The following STXBP5L variants were observed in gnomAD, a reference collection of about 807,000 sequenced individuals.
The protein encoded by STXBP5L is syntaxin binding protein 5L.
Under a neutral mutation model 144.5 loss-of-function variants are expected in STXBP5L, and 65 were observed. The ratio of observed to expected loss-of-function variants is 0.45; its 90% confidence interval spans 0.37 to 0.55. The LOEUF is 0.55. Ranked by LOEUF, STXBP5L falls within the 20% of genes least tolerant of loss-of-function variation. STXBP5L has a pLI of 0.00. For missense variants in STXBP5L, 1,298 were observed against 1,405.5 expected (o/e 0.92, Z 1.22); for synonymous variants, 505 against 469.6 (o/e 1.08, Z -0.97).
At chr3:120,995,551 T>C (rs1943275722) in intron 3 of STXBP5L, among the ~76,000 whole-genome samples, 1 of 152,154 alleles carries the variant, frequency 6.6e-6, no homozygotes, top group African/African-American at 2.4e-5. Flanking sequence ...TTGTTTTGAG[T>C]ATATTGCTTT....
intron 19 of STXBP5L, among the ~76,000 whole-genome samples, chr3:121,283,186 T>A (rs553627100): frequency 1.3e-5 from 2 of 152,110 alleles, no homozygotes; most frequent in South Asian, 2.1e-4. Context: ...ATACACACAC[T>A]CACACATATA....
chr3:121,033,970 T>A (rs1946570309), intron 3 of STXBP5L, among the ~76,000 whole-genome samples: 1 of 152,128 alleles, frequency 6.6e-6, no homozygotes, highest in Non-Finnish European at 1.5e-5. Flanking sequence ...TCTATGTTTT[T>A]AAAAATTGAT....
At chr3:121,176,549 A>T (rs548519326) in intron 9 of STXBP5L, among the ~76,000 whole-genome samples, 1 of 151,792 alleles carries the variant, frequency 6.6e-6, no homozygotes, top group Non-Finnish European at 1.5e-5. Context: ...CTCCCAAAAT[A>T]ACAAGCATTT....
chr3:120,966,113 T>C (rs1010660655), intron 3 of STXBP5L, among the ~76,000 whole-genome samples: 4 of 152,240 alleles, frequency 2.6e-5, no homozygotes, highest in Non-Finnish European at 4.4e-5. Context: ...TCTTGTGCCA[T>C]GGTTTTCAGC....
rs938670149 is a variant in STXBP5L, at chr3:121,040,945, C to G, written c.288-755C>G. ...CTCATTATGACCGTAAGTGGAGACTCTCATCTAATTTGTATCTTTATGCAA... is the reference window on the plus strand; with the variant it reads ...CTCATTATGACCGTAAGTGGAGACTGTCATCTAATTTGTATCTTTATGCAA... On this transcript the variant is annotated intron_variant, in intron 3 of 26. Coordinates refer to ENST00000471454, the MANE Select transcript of STXBP5L (RefSeq NM_001308330.2). 2.1e-4 allele frequency among the ~76,000 whole-genome samples: 32 copies of G among 151,986 alleles called. 1 individual carries two copies. Among genetic ancestry groups the G allele is most frequent in the Admixed American group, 1.9e-3 (29 of 15,224 alleles).
chr3:120,991,064 T>G (rs1187629476), intron 3 of STXBP5L, among the ~76,000 whole-genome samples: 5 of 151,524 alleles, frequency 3.3e-5, no homozygotes, highest in Admixed American at 1.3e-4. Flanking sequence ...TGGGAGAAAA[T>G]TTTTGCAATC....
At position 121,395,699 on chromosome 3, in the gene STXBP5L, T is replaced by C. The variant is rs566838899; in HGVS notation, c.2588-11544T>C. On this transcript the variant is annotated intron_variant, in intron 22 of 26. Coordinates refer to ENST00000471454, the MANE Select transcript of STXBP5L (RefSeq NM_001308330.2). ...TAATTGTTCTCTGTGTCAGCCCTTG[T>C]TGAAGGAATACTCACAGCAATGGTG... 3.9e-5 allele frequency among the ~76,000 whole-genome samples: 6 copies of C among 152,364 alleles called. No individual in the cohort carries two copies. In the South Asian group the frequency reaches 1.2e-3, roughly 32 times the overall value.
At chr3:121,173,266 C>T (rs1256854609) in intron 9 of STXBP5L, among the ~76,000 whole-genome samples, 1 of 151,466 alleles carries the variant, frequency 6.6e-6, no homozygotes, top group East Asian at 1.9e-4. Context: ...CACCATGGCA[C>T]GTGTATACTT....
chr3:120,998,753 G>A (rs947512460), intron 3 of STXBP5L, among the ~76,000 whole-genome samples: 1 of 152,124 alleles, frequency 6.6e-6, no homozygotes, highest in Non-Finnish European at 1.5e-5. Context: ...AATCAAGAAT[G>A]CATTCCTCTT....
At chr3:121,409,778 G>C (rs1225120933) in intron 23 of STXBP5L, among the ~76,000 whole-genome samples, 3 of 151,920 alleles carry the variant, frequency 2.0e-5, no homozygotes, top group Non-Finnish European at 4.4e-5. Flanking sequence ...CTACAGGGCA[G>C]AGTTGAATAG....
chr3:120,912,412 GA>G (rs1222705542), intron 2 of STXBP5L, among the ~76,000 whole-genome samples: 1 of 151,808 alleles, frequency 6.6e-6, no homozygotes, highest in Non-Finnish European at 1.5e-5. Flanking sequence ...ATTTGTTTCA[GA>G]AATTATAAGA....
chr3:121,259,300 A>G (rs1269807448), intron 18 of STXBP5L, 132 bp downstream of exon 18: 1 of 635,396 alleles, frequency 1.6e-6, no homozygotes, highest in African/African-American at 1.9e-5. Flanking sequence ...ACAATATATA[A>G]GAAAAATAAT....
chr3:121,117,705 A>T (rs1198076629), intron 6 of STXBP5L, among the ~76,000 whole-genome samples: 1 of 151,824 alleles, frequency 6.6e-6, no homozygotes, highest in Non-Finnish European at 1.5e-5. Context: ...TTATTGAAAT[A>T]CTTTTCATTT....
intron 9 of STXBP5L, among the ~76,000 whole-genome samples, chr3:121,185,573 G>A (rs541557753): frequency 6.6e-6 from 1 of 152,148 alleles, no homozygotes; most frequent in East Asian, 1.9e-4. Context: ...TCCATTTCTT[G>A]TTTTTGTCAG....
chr3:121,303,852 G>C (rs1456249635), intron 19 of STXBP5L, among the ~76,000 whole-genome samples: 9 of 152,124 alleles, frequency 5.9e-5, no homozygotes, highest in African/African-American at 1.9e-4. Context: ...CACAGGAAGG[G>C]GAACATCACA....
intron 9 of STXBP5L, among the ~76,000 whole-genome samples, chr3:121,184,242 G>C (rs947238730): frequency 1.3e-5 from 2 of 151,968 alleles, no homozygotes; most frequent in Non-Finnish European, 2.9e-5. Flanking sequence ...GTAGGCTTCA[G>C]AAGATGGGTA....
chr3:121,047,565 G>T (rs372216331), intron 5 of STXBP5L, among the ~76,000 whole-genome samples: 1 of 152,172 alleles, frequency 6.6e-6, no homozygotes, highest in South Asian at 2.1e-4. Context: ...ATTTAGGATA[G>T]TTAGGCATTC....
At chr3:121,111,846 G>GGA (rs141735866) in intron 5 of STXBP5L, among the ~76,000 whole-genome samples, 5,417 of 152,322 alleles carry the variant, frequency 0.036, 146 homozygotes, top group Middle Eastern at 0.082. Context: ...ACTGATCCAT[G>GGA]GAGAGAGACC....
intron 3 of STXBP5L, among the ~76,000 whole-genome samples, chr3:120,998,191 T>A (rs996890749): frequency 3.9e-5 from 6 of 152,036 alleles, no homozygotes; most frequent in Admixed American, 1.3e-4. Context: ...TGTGCCCCCT[T>A]TTACCACTCC....
Sources: allele counts gnomAD v4.1 joint callset (sites outside exome capture counted in the v4.1 genomes callset), GRCh38; gene constraint gnomAD v4.1.1; transcripts MANE v1.5; gene names NCBI Gene and HGNC (gene_info 2026-07-23, HGNC 2026-07-21).